The following TIMM9 variants were observed in gnomAD, a reference collection of about 807,000 sequenced individuals.
The protein encoded by TIMM9 is mitochondrial import inner membrane translocase subunit Tim9.
TIMM9 carries 10 observed loss-of-function variants against 13.4 expected under a neutral mutation model. The observed-to-expected ratio is 0.75, with a 90% CI of 0.46 to 1.26. The LOEUF is 1.26. TIMM9 is among the 50% of genes most tolerant of loss of function. The pLI, the probability that TIMM9 is intolerant of heterozygous loss-of-function variation, is 0.00. For synonymous variants in TIMM9, 32 were observed against 32.1 expected (o/e 1.00, Z 0.01); for missense variants, 87 against 100.8 (o/e 0.86, Z 0.58).
intron 4 of TIMM9, among the ~76,000 whole-genome samples, chr14:58,411,701 G>C (rs1327008039): frequency 6.6e-6 from 1 of 151,914 alleles, no homozygotes; most frequent in Non-Finnish European, 1.5e-5. Context: ...AGCACGCCCA[G>C]CTAATTTTTG....
At chr14:58,416,082 G>A (rs1464748847) in intron 3 of TIMM9, among the ~76,000 whole-genome samples, 1 of 150,986 alleles carries the variant, frequency 6.6e-6, no homozygotes, top group African/African-American at 2.4e-5. Context: ...ACAAAAAGCA[G>A]CTGGCCGTGG....
At chr14:58,410,785 T>A in intron 5 of TIMM9, 58 bp downstream of exon 5, 4 of 1,167,312 alleles carry the variant, frequency 3.4e-6, no homozygotes, top group Admixed American at 2.1e-5. Flanking sequence ...CTTAAGGGGA[T>A]CCTACTTAGA....
intron 5 of TIMM9, 52 bp from the exon 6 acceptor site, chr14:58,409,220 T>A (rs753581007): frequency 3.6e-5 from 57 of 1,590,282 alleles, no homozygotes; most frequent in Non-Finnish European, 4.0e-5. Context: ...ATGAATTTTT[T>A]AAAATGCATG....
At chr14:58,425,874 TTTG>T (rs1430099294) in intron 2 of TIMM9, among the ~76,000 whole-genome samples, 1 of 152,112 alleles carries the variant, frequency 6.6e-6, no homozygotes, top group Non-Finnish European at 1.5e-5. Context: ...ATACTAGCAC[TTTG>T]GTAGGCCGAG....
At chr14:58,423,948 T>C (rs2036664317) in intron 3 of TIMM9, 60 bp downstream of exon 3, 1 of 152,200 alleles carries the variant, frequency 6.6e-6, no homozygotes, top group South Asian at 2.1e-4. Context: ...AAACAAAATA[T>C]ATCCTAGAAC....
rs142154432 is a variant in TIMM9 at position 58,425,442 on chromosome 14, T to C, written c.-114-1347A>G. Among the ~76,000 whole-genome samples, 11 of 151,820 alleles carry C rather than the reference T, an allele frequency of 7.2e-5. No homozygotes were observed. In the East Asian group the frequency reaches 2.1e-3, roughly 30 times the overall value. On this transcript the variant is annotated intron_variant, in intron 2 of 5. Coordinates refer to ENST00000395159, the MANE Select transcript of TIMM9 (RefSeq NM_012460.4). ...TAGCCAGCGTGGTGGCAAGTGCTTG[T>C]AGTCCTAGCTACTCAGGAGGCTGAG... is the stretch of plus-strand genomic sequence containing the variant.
intron 4 of TIMM9, 108 bp downstream of exon 4, chr14:58,411,799 C>G: frequency 9.9e-7 from 1 of 1,011,672 alleles, no homozygotes. Flanking sequence ...GGCCTCCCAA[C>G]GTGCTGGGAT....
At chr14:58,419,311 T>C (rs1208272207) in intron 3 of TIMM9, among the ~76,000 whole-genome samples, 1 of 151,976 alleles carries the variant, frequency 6.6e-6, no homozygotes, top group Admixed American at 6.6e-5. Flanking sequence ...GAAAATTAGC[T>C]GGGCATGGTG....
chr14:58,424,271 T>C (rs1038221069), intron 2 of TIMM9, among the ~76,000 whole-genome samples, 176 bp from the exon 3 acceptor site: 4 of 152,022 alleles, frequency 2.6e-5, no homozygotes, highest in Non-Finnish European at 4.4e-5. Context: ...GTGTTACTAT[T>C]AAAAAAAATA....
At chr14:58,409,889 T>G (rs2140311027) in intron 5 of TIMM9, among the ~76,000 whole-genome samples, 1 of 152,060 alleles carries the variant, frequency 6.6e-6, no homozygotes, top group Middle Eastern at 3.4e-3. Flanking sequence ...ATTTATTTAT[T>G]TTTTTGAGAC....
At position 58,408,630 on chromosome 14, in the gene TIMM9, T is replaced by C. The variant is rs1186001366; in HGVS notation, c.*404A>G. 6.5e-7 allele frequency: 1 copy of C among 1,528,888 alleles called. No homozygotes were observed. Among genetic ancestry groups the C allele is most frequent in the Non-Finnish European group, 9.0e-7 (1 of 1,113,088 alleles). The allele number at this position is 1,528,888 out of a possible 1,614,324, so 94.7% of individuals were successfully genotyped here. On this transcript the variant is annotated 3_prime_UTR_variant, in exon 6 of 6. Coordinates refer to ENST00000395159, the MANE Select transcript of TIMM9 (RefSeq NM_012460.4). ...GTCCAGTGAGAATACTATGGTACCA[T>C]ACAGTATAAACAACTGCTCAGTGAT... is the stretch of plus-strand genomic sequence containing the variant.
chr14:58,419,320 T>C (rs1336761814), intron 3 of TIMM9, among the ~76,000 whole-genome samples: 1 of 151,964 alleles, frequency 6.6e-6, no homozygotes, highest in Non-Finnish European at 1.5e-5. Context: ...CTGGGCATGG[T>C]GTCACATGCC....
At position 58,408,552 on chromosome 14, in the gene TIMM9, A is replaced by G; in HGVS notation, c.*482T>C. ...AGCAATTTGAGGCAGACATGAATGA[A>G]CAGGACTGCTTGGAGGATGATCCTG... On this transcript the variant is annotated 3_prime_UTR_variant, in exon 6 of 6. Coordinates refer to ENST00000395159, the MANE Select transcript of TIMM9 (RefSeq NM_012460.4). 6.2e-7 allele frequency: 1 copy of G among 1,614,094 alleles called. No individual in the cohort carries two copies. The highest frequency in any genetic ancestry group is 8.5e-7 in the Non-Finnish European group (1 of 1,179,990).
Position 58,408,904 on chromosome 14 carries a change from G to T in TIMM9, c.*130C>A. ...TTTGTTTCTCCAGCGGTTTCCATTT[G>T]CCAAACAGTCATGACAGATGGTTGA... On this transcript the variant is annotated 3_prime_UTR_variant, in exon 6 of 6. Coordinates refer to ENST00000395159, the MANE Select transcript of TIMM9 (RefSeq NM_012460.4). The T allele has an allele frequency of 1.5e-6, 2 of 1,365,028 alleles. No homozygotes were observed. Among genetic ancestry groups the T allele is most frequent in the Non-Finnish European group, 9.9e-7 (1 of 1,013,052 alleles). 84.6% of individuals were successfully genotyped at this position (1,365,028 alleles called of 1,614,324 possible).
intron 3 of TIMM9, among the ~76,000 whole-genome samples, chr14:58,417,250 C>T (rs1327438729): frequency 1.3e-5 from 2 of 151,602 alleles, no homozygotes; most frequent in South Asian, 2.1e-4. Flanking sequence ...ATGTCTTTAC[C>T]AGCAGTGTGA....
At chr14:58,420,793 CAAAAAAAA>C (rs71107945) in intron 3 of TIMM9, among the ~76,000 whole-genome samples, 2 of 57,506 alleles carry the variant, frequency 3.5e-5, no homozygotes, top group Admixed American at 2.0e-4. Context: ...AAATCCATCT[CAAAAAAAA>C]AAAAAAAAAA....
chr14:58,420,660 G>A (rs2036561406), intron 3 of TIMM9, among the ~76,000 whole-genome samples: 1 of 151,942 alleles, frequency 6.6e-6, no homozygotes. Context: ...GGGCATGGTG[G>A]TGCATGCCTG....
At chr14:58,420,515 G>A (rs894776248) in intron 3 of TIMM9, among the ~76,000 whole-genome samples, 1 of 152,148 alleles carries the variant, frequency 6.6e-6, no homozygotes, top group Non-Finnish European at 1.5e-5. Flanking sequence ...ACAAGCTGCT[G>A]GGTGCGGTGG....
chr14:58,425,056 C>T (rs754870377), intron 2 of TIMM9, among the ~76,000 whole-genome samples: 5 of 152,010 alleles, frequency 3.3e-5, no homozygotes, highest in Non-Finnish European at 5.9e-5. Flanking sequence ...GTAAGACAAC[C>T]TGGCTGGTCT....
Sources: gnomAD v4.1 joint callset for allele counts (sites outside exome capture counted in the v4.1 genomes callset) on GRCh38, gnomAD v4.1.1 for gene constraint, MANE v1.5 for transcripts, NCBI Gene and HGNC (gene_info 2026-07-23, HGNC 2026-07-21) for gene names.